Variants in GPC6 observed in about 807,000 individuals in gnomAD.
GPC6 encodes glypican 6.
Under a neutral mutation model 55.2 loss-of-function variants are expected in GPC6, and 14 were observed. The ratio of observed to expected loss-of-function variants is 0.25; its 90% CI spans 0.17 to 0.40. GPC6 has a LOEUF of 0.40. Among genes scored for constraint, GPC6 ranks in the 10% least tolerant of loss-of-function variants. GPC6 has a pLI of 1.00. For synonymous variants in GPC6, 278 were observed against 259.6 expected (o/e 1.07, Z -0.68); for missense variants, 641 against 708.5 (o/e 0.90, Z 1.08).
intron 2 of GPC6, among the ~76,000 whole-genome samples, chr13:93,575,779 G>A (rs1046980097): frequency 1.3e-5 from 2 of 152,040 alleles, no homozygotes; most frequent in African/African-American, 4.8e-5. Flanking sequence ...CTTTTGCTTT[G>A]CAGAATAAAA....
intron 1 of GPC6, among the ~76,000 whole-genome samples, chr13:93,413,492 C>A (rs1876587114): frequency 6.6e-6 from 1 of 151,630 alleles, no homozygotes; most frequent in South Asian, 2.1e-4. Context: ...CTGTCATAAA[C>A]ATAAGTGGAC....
chr13:94,117,373 AAT>A (rs1173369363), intron 4 of GPC6, among the ~76,000 whole-genome samples: 4 of 152,148 alleles, frequency 2.6e-5, no homozygotes, highest in Non-Finnish European at 5.9e-5. Flanking sequence ...TGAGTAGGTG[AAT>A]AACATCAAGG....
chr13:94,071,805 A>G (rs1467889948), intron 4 of GPC6, among the ~76,000 whole-genome samples: 4 of 152,246 alleles, frequency 2.6e-5, no homozygotes, highest in Admixed American at 6.5e-5. Context: ...TGCAGCCACA[A>G]TAAAAAGTTA....
Position 94,293,020 on chromosome 13 carries a change from T to C in GPC6, c.1008+6541T>C, listed in dbSNP as rs539448395. ...CATTTCAAACTGCATTTGTATACTTTTTGTACAATATTATATGTATGTATA... is the reference window on the plus strand; with the variant it reads ...CATTTCAAACTGCATTTGTATACTTCTTGTACAATATTATATGTATGTATA... On this transcript the variant is annotated intron_variant, in intron 5 of 8. Coordinates refer to ENST00000377047, the MANE Select transcript of GPC6 (RefSeq NM_005708.5). Among the ~76,000 whole-genome samples, 17 of 152,310 alleles carry C rather than the reference T, an allele frequency of 1.1e-4. No homozygotes were observed. The East Asian group carries it at 2.5e-3, about 22-fold the overall frequency.
intron 4 of GPC6, among the ~76,000 whole-genome samples, chr13:94,032,684 A>G (rs1033389170): frequency 5.9e-5 from 9 of 152,176 alleles, no homozygotes; most frequent in African/African-American, 2.2e-4. Context: ...TGCCCTCCAA[A>G]GGGTGTTGTG....
chr13:94,323,998 GA>G (rs1876977349), intron 6 of GPC6, among the ~76,000 whole-genome samples: 1 of 152,168 alleles, frequency 6.6e-6, no homozygotes, highest in Non-Finnish European at 1.5e-5. Context: ...GACTAGAAGA[GA>G]ACTGCAAGCT....
At chr13:93,881,926 T>C (rs1875003555) in intron 3 of GPC6, among the ~76,000 whole-genome samples, 1 of 151,932 alleles carries the variant, frequency 6.6e-6, no homozygotes, top group East Asian at 1.9e-4. Context: ...TGTTAACTTG[T>C]GACTCTGTAA....
chr13:93,235,721 C>A (rs570377401), intron 1 of GPC6, among the ~76,000 whole-genome samples: 7 of 152,314 alleles, frequency 4.6e-5, no homozygotes, highest in African/African-American at 1.7e-4. Flanking sequence ...GCTGTTGAAA[C>A]TCTCAACTCA....
chr13:93,230,730 T>A (rs1188776851), intron 1 of GPC6, among the ~76,000 whole-genome samples: 3 of 152,138 alleles, frequency 2.0e-5, no homozygotes, highest in Non-Finnish European at 4.4e-5. Flanking sequence ...CATTCTAGTC[T>A]TTCCTCATTC....
chr13:93,255,579 C>T (rs996680319), intron 1 of GPC6, among the ~76,000 whole-genome samples: 40 of 152,108 alleles, frequency 2.6e-4, no homozygotes, highest in Admixed American at 2.6e-3. Flanking sequence ...CAATGTCATA[C>T]ATACTGATCT....
At chr13:93,724,661 A>G (rs1360692121) in intron 2 of GPC6, among the ~76,000 whole-genome samples, 1 of 152,056 alleles carries the variant, frequency 6.6e-6, no homozygotes, top group African/African-American at 2.4e-5. Context: ...TGAGAAATAA[A>G]GATTCAACAC....
In GPC6 at chr13:93,479,694, A is replaced by G. The variant is rs141377860; in HGVS notation, c.161-65569A>G. Among the ~76,000 whole-genome samples the G allele has an allele frequency of 4.5e-3, 685 of 152,302 alleles. 2 individuals are homozygous for G. Among genetic ancestry groups the G allele is most frequent in the South Asian group, 6.8e-3 (33 of 4,824 alleles). The stretch of plus-strand genomic sequence containing the variant: ...AGTTAGAAGATTTAATTCAGCAAAC[A>G]TTTATGGATCATCTACTTTGTACTG... On this transcript the variant is annotated intron_variant, in intron 1 of 8. Transcript: ENST00000377047.
chr13:93,467,022 G>A (rs1212942520), intron 1 of GPC6, among the ~76,000 whole-genome samples: 1 of 152,202 alleles, frequency 6.6e-6, no homozygotes, highest in Non-Finnish European at 1.5e-5. Context: ...ATACATAGTT[G>A]TCAAGATGCA....
chr13:94,303,838 TAA>T (rs1875798553), intron 5 of GPC6, among the ~76,000 whole-genome samples: 1 of 151,266 alleles, frequency 6.6e-6, no homozygotes, highest in African/African-American at 2.4e-5. Context: ...CCTAGAACAC[TAA>T]TATTCTTTCA....
At chr13:94,084,974 A>G (rs1885227788) in intron 4 of GPC6, among the ~76,000 whole-genome samples, 1 of 152,114 alleles carries the variant, frequency 6.6e-6, no homozygotes, top group Admixed American at 6.6e-5. Context: ...GGAAAGAGAT[A>G]ACTATATCAT....
intron 7 of GPC6, among the ~76,000 whole-genome samples, chr13:94,388,443 C>T (rs1459813738): frequency 6.6e-6 from 1 of 152,188 alleles, no homozygotes. Context: ...ACATGTGCAT[C>T]AGGAGAGAAT....
chr13:93,696,438 TG>T (rs1429730649), intron 2 of GPC6, among the ~76,000 whole-genome samples: 1 of 152,158 alleles, frequency 6.6e-6, no homozygotes, highest in Non-Finnish European at 1.5e-5. Flanking sequence ...AACTACTATT[TG>T]GACTATTTTA....
chr13:93,491,671 T>G (rs1880011064), intron 1 of GPC6, among the ~76,000 whole-genome samples: 1 of 143,264 alleles, frequency 7.0e-6, no homozygotes, highest in South Asian at 2.3e-4. Context: ...GTTTAAGTCT[T>G]TAATCCATCT....
intron 4 of GPC6, among the ~76,000 whole-genome samples, chr13:94,276,089 A>G (rs1015001218): frequency 2.0e-5 from 3 of 152,208 alleles, no homozygotes; most frequent in African/African-American, 7.2e-5. Flanking sequence ...ACTTTATCCA[A>G]CAGATTTATT....
Sources: allele counts gnomAD v4.1 joint callset (sites outside exome capture counted in the v4.1 genomes callset), GRCh38; gene constraint gnomAD v4.1.1; transcripts MANE v1.5; gene names NCBI Gene and HGNC (gene_info 2026-07-23, HGNC 2026-07-21).